AAK1: variants seen among roughly 807,000 people sequenced by gnomAD.
AAK1 encodes AP2-associated protein kinase 1.
Under a neutral mutation model 116.0 loss-of-function variants are expected in AAK1, and 37 were observed. The ratio of observed to expected loss-of-function variants is 0.32; its 90% CI spans 0.25 to 0.42. The LOEUF is 0.42. AAK1 is among the 10% of genes least tolerant of loss of function. The pLI, the probability that AAK1 is intolerant of heterozygous loss-of-function variation, is 1.00. For synonymous variants in AAK1, 458 were observed against 439.9 expected (o/e 1.04, Z -0.51); for missense variants, 919 against 1,170.6 (o/e 0.79, Z 3.14).
intron 20 of AAK1, 79 bp downstream of exon 20, chr2:69,478,872 A>G (rs1674970353): frequency 2.5e-6 from 3 of 1,205,548 alleles, no homozygotes; most frequent in South Asian, 1.3e-5. Context: ...AAGACTTTTG[A>G]TAAGAAAAAC....
At chr2:69,607,364 A>T (rs1673854660) in intron 2 of AAK1, among the ~76,000 whole-genome samples, 1 of 152,142 alleles carries the variant, frequency 6.6e-6, no homozygotes, top group Admixed American at 6.5e-5. Flanking sequence ...AGTAAGGCAG[A>T]GGTAAGAGGA....
chr2:69,580,332 A>G (rs1325173292), intron 2 of AAK1, among the ~76,000 whole-genome samples: 3 of 152,114 alleles, frequency 2.0e-5, no homozygotes, highest in Non-Finnish European at 4.4e-5. Flanking sequence ...GCCAGACTTC[A>G]TGGGACCATC....
chr2:69,501,957 C>T (rs998607232), intron 16 of AAK1, among the ~76,000 whole-genome samples: 2 of 151,308 alleles, frequency 1.3e-5, no homozygotes, highest in Non-Finnish European at 1.5e-5. Context: ...GGCAACAGAG[C>T]GAGACACCAT....
chr2:69,614,330 T>C (rs1674220612), intron 2 of AAK1, among the ~76,000 whole-genome samples: 1 of 151,984 alleles, frequency 6.6e-6, no homozygotes, highest in African/African-American at 2.4e-5. Flanking sequence ...AAGGCAGACA[T>C]GGAGTCACAC....
chr2:69,620,447 T>C (rs1674555069), intron 2 of AAK1, among the ~76,000 whole-genome samples: 1 of 152,148 alleles, frequency 6.6e-6, no homozygotes, highest in South Asian at 2.1e-4. Context: ...TCTCTCCCTT[T>C]CTTTTCTTAT....
chr2:69,498,709 C>A (rs1009677106), intron 16 of AAK1, among the ~76,000 whole-genome samples: 1 of 152,234 alleles, frequency 6.6e-6, no homozygotes, highest in Non-Finnish European at 1.5e-5. Context: ...GCTGGATGGA[C>A]CGGCGACATT....
rs1674828729 is a variant in AAK1 at position 69,475,689 on chromosome 2, G to T, written c.*180C>A. On this transcript the variant is annotated 3_prime_UTR_variant, in exon 22 of 22. Coordinates refer to ENST00000409085, the MANE Select transcript of AAK1 (RefSeq NM_014911.5). The stretch of plus-strand genomic sequence containing the variant: ...GGAACTGGCCAAGGAATATCTGGAG[G>T]GCCAAAGTGATTTTCTTTCCTTATC... The T allele has an allele frequency of 2.9e-6, 4 of 1,389,474 alleles. No individual in the cohort carries two copies. The South Asian group carries it at 7.0e-5, about 24-fold the overall frequency. 86.1% of individuals were successfully genotyped at this position (1,389,474 alleles called of 1,614,324 possible).
intron 3 of AAK1, among the ~76,000 whole-genome samples, chr2:69,547,327 A>G (rs891781501): frequency 1.3e-4 from 20 of 152,218 alleles, no homozygotes; most frequent in African/African-American, 4.6e-4. Context: ...TAAAAACAAC[A>G]TATGGAATGG....
At chr2:69,582,478 G>C (rs1672590676) in intron 2 of AAK1, among the ~76,000 whole-genome samples, 1 of 152,210 alleles carries the variant, frequency 6.6e-6, no homozygotes, top group South Asian at 2.1e-4. Context: ...CGGGGTGGGA[G>C]AGGTGGTGAG....
chr2:69,525,590 G>A (rs1669988122), intron 9 of AAK1, among the ~76,000 whole-genome samples: 1 of 152,192 alleles, frequency 6.6e-6, no homozygotes, highest in Non-Finnish European at 1.5e-5. Context: ...GAAAACCACA[G>A]CCACCTCTGT....
At chr2:69,571,098 G>C (rs1167168544) in intron 2 of AAK1, among the ~76,000 whole-genome samples, 1 of 152,034 alleles carries the variant, frequency 6.6e-6, no homozygotes, top group Non-Finnish European at 1.5e-5. Flanking sequence ...TCTCTCACAG[G>C]GCAAGGATTT....
chr2:69,623,571 T>A (rs1475271807), intron 2 of AAK1, among the ~76,000 whole-genome samples: 1 of 152,128 alleles, frequency 6.6e-6, no homozygotes, highest in Non-Finnish European at 1.5e-5. Context: ...GTAAGCACTT[T>A]GGGAGGCCCA....
chr2:69,509,406 C>T lies in AAK1; in HGVS notation c.1831G>A (p.Val611Ile), dbSNP rs768637611. The T allele has an allele frequency of 2.4e-5, 39 of 1,613,834 alleles. No homozygotes were observed. Among genetic ancestry groups the T allele is most frequent in the South Asian group, 3.3e-5 (3 of 91,062 alleles). ...AGAGATCCAACTTTCTGCCCCTGGA[C>T]GGCAGGAGGTGGGGTTGTCTGAACC... ...PKVQTTPPPAVQGQKVGSLTP... is the reference protein window; with the variant it reads ...PKVQTTPPPAIQGQKVGSLTP... The change falls in exon 14 of 22, where the codon GTC becomes ATC. Residue 611 changes from valine to isoleucine, a missense_variant. By Grantham distance (29) the Val-to-Ile change is conservative. Coordinates refer to ENST00000409085, the MANE Select transcript of AAK1 (RefSeq NM_014911.5).
At position 69,469,834 on chromosome 2, in the gene AAK1, C is replaced by G; in HGVS notation, c.*6035G>C. ...GTAGGACTGTGTGCCAGGTTAGGCA[C>G]GTTGACACTTTCAATATGGGTAACT... On this transcript the variant is annotated 3_prime_UTR_variant, in exon 22 of 22. Transcript: ENST00000409085. The G allele has an allele frequency of 2.0e-6, 2 of 985,406 alleles. No individual in the cohort carries two copies. Among genetic ancestry groups the G allele is most frequent in the Non-Finnish European group, 2.4e-6 (2 of 829,924 alleles). 61.0% of individuals were successfully genotyped at this position (985,406 alleles called of 1,614,324 possible).
chr2:69,498,980 G>A (rs1447229397), intron 16 of AAK1, among the ~76,000 whole-genome samples: 1 of 152,192 alleles, frequency 6.6e-6, no homozygotes, highest in Non-Finnish European at 1.5e-5. Context: ...GGAATGGGGA[G>A]GTGCAGTGGC....
chr2:69,506,147 T>A (rs751216349), intron 15 of AAK1, among the ~76,000 whole-genome samples: 1 of 152,164 alleles, frequency 6.6e-6, no homozygotes, highest in Non-Finnish European at 1.5e-5. Flanking sequence ...AGTAGCTTAA[T>A]GTGAAAGCTG....
intron 5 of AAK1, among the ~76,000 whole-genome samples, chr2:69,534,452 GC>G (rs1670381509): frequency 6.6e-6 from 1 of 152,196 alleles, no homozygotes; most frequent in Non-Finnish European, 1.5e-5. Context: ...GTTCAGAAAT[GC>G]CCCCACAATA....
intron 2 of AAK1, among the ~76,000 whole-genome samples, chr2:69,573,022 CAT>C (rs1672153170): frequency 6.6e-6 from 1 of 152,174 alleles, no homozygotes; most frequent in Non-Finnish European, 1.5e-5. Context: ...CCAAATAAAA[CAT>C]AAAGAAACCC....
chr2:69,503,204 T>A (rs986999633), intron 16 of AAK1, among the ~76,000 whole-genome samples: 19 of 152,184 alleles, frequency 1.2e-4, no homozygotes, highest in Non-Finnish European at 1.5e-4. Context: ...GTATTACATA[T>A]CAAATATTAT....
Sources: gnomAD v4.1 joint callset for allele counts (sites outside exome capture counted in the v4.1 genomes callset) on GRCh38, gnomAD v4.1.1 for gene constraint, MANE v1.5 for transcripts, NCBI Gene and HGNC (gene_info 2026-07-23, HGNC 2026-07-21) for gene names.